BEGAIN: variants seen among roughly 807,000 people sequenced by gnomAD.
The protein encoded by BEGAIN is brain-enriched guanylate kinase-associated protein.
In BEGAIN, 19 loss-of-function variants were observed where a neutral mutation model predicts 35.8. The observed-to-expected ratio is 0.53, with a 90% confidence interval of 0.37 to 0.78. The LOEUF (loss-of-function observed/expected upper bound fraction) is 0.78. Ranked by LOEUF, BEGAIN falls within the 30% of genes least tolerant of loss-of-function variation. BEGAIN has a pLI of 0.00. For missense variants in BEGAIN, 795 were observed against 853.6 expected (o/e 0.93, Z 0.85); for synonymous variants, 462 against 388.6 (o/e 1.19, Z -2.22).
At chr14:100,582,221 T>C (rs2035333550) in intron 1 of BEGAIN, among the ~76,000 whole-genome samples, 1 of 152,222 alleles carries the variant, frequency 6.6e-6, no homozygotes, top group Non-Finnish European at 1.5e-5. Context: ...CTCGGCTCAC[T>C]GCAACCTCTG....
intron 1 of BEGAIN, among the ~76,000 whole-genome samples, chr14:100,584,816 G>A (rs2035398089): frequency 6.6e-6 from 1 of 152,122 alleles, no homozygotes; most frequent in Non-Finnish European, 1.5e-5. Context: ...CTCCACTAAG[G>A]CTAGCGACCA....
At chr14:100,550,468 C>T (rs1169449467) in intron 2 of BEGAIN, 6 of 399,120 alleles carry the variant, frequency 1.5e-5, no homozygotes, top group African/African-American at 4.1e-5. Context: ...CTGCAGTACT[C>T]GGGGCTGCCC....
intron 2 of BEGAIN, among the ~76,000 whole-genome samples, chr14:100,566,184 GC>G (rs2034666711): frequency 6.6e-6 from 1 of 152,204 alleles, no homozygotes. Context: ...CAGCCCAGGA[GC>G]CCAGGCCCTG....
chr14:100,582,693 G>C (rs948393479), intron 1 of BEGAIN, among the ~76,000 whole-genome samples: 1 of 152,094 alleles, frequency 6.6e-6, no homozygotes, highest in Non-Finnish European at 1.5e-5. Flanking sequence ...GGGCAAGGAC[G>C]CCCCTGTAGG....
Position 100,567,872 on chromosome 14 carries a change from GGCCCCCGC to G in BEGAIN, c.71+31_71+38del. ...TCCCCAGCGCCCTCACCCCCGACCC[GGCCCCCGC>G]GAGCCGCGGCACGGGAGACGCTCCA... On this transcript the variant is annotated intron_variant, in intron 2 of 6. Transcript: ENST00000554140. This position sits in a 1 kb window ranked among gnomAD's most constrained non-coding sequence, Gnocchi z 5.1. 2 of 1,413,530 alleles carry G rather than the reference GGCCCCCGC, an allele frequency of 1.4e-6. No individual in the cohort carries two copies. Among genetic ancestry groups the G allele is most frequent in the Non-Finnish European group, 1.9e-6 (2 of 1,067,244 alleles). The allele number at this position is 1,413,530 out of a possible 1,614,324, so 87.6% of individuals were successfully genotyped here.
Position 100,567,791 on chromosome 14 carries a change from G to C in BEGAIN, c.71+120C>G. ...CACGCACCTGGCCCGCAGCCCCGCC[G>C]AGGCCGCCCGCGGGCCCTGGGGGAT... On this transcript the variant is annotated intron_variant, in intron 2 of 6. Coordinates refer to ENST00000554140, the MANE Select transcript of BEGAIN (RefSeq NM_001385089.1). This position sits in a 1 kb window ranked among gnomAD's most constrained non-coding sequence, Gnocchi z 5.1. 1 of 1,067,728 alleles carries C rather than the reference G, an allele frequency of 9.4e-7. No homozygotes were observed. Among genetic ancestry groups the C allele is most frequent in the Non-Finnish European group, 1.2e-6 (1 of 811,938 alleles). 66.1% of individuals were successfully genotyped at this position (1,067,728 alleles called of 1,614,324 possible).
chr14:100,556,951 C>T (rs1250279834), intron 2 of BEGAIN, among the ~76,000 whole-genome samples: 1 of 152,216 alleles, frequency 6.6e-6, no homozygotes, highest in African/African-American at 2.4e-5. Flanking sequence ...TCCATCCAAC[C>T]TGGATTGTAG....
At chr14:100,578,283 T>C (rs2035246164) in intron 1 of BEGAIN, among the ~76,000 whole-genome samples, 1 of 152,222 alleles carries the variant, frequency 6.6e-6, no homozygotes, top group South Asian at 2.1e-4. Flanking sequence ...GGCCTCCCCC[T>C]CTCCTACTCT....
rs2030751737 is a variant in BEGAIN, at chr14:100,537,631, A to G, written c.*338T>C. On this transcript the variant is annotated 3_prime_UTR_variant, in exon 7 of 7. Coordinates refer to ENST00000554140, the MANE Select transcript of BEGAIN (RefSeq NM_001385089.1). ...GTTGAAAACGCCAAGGCAGCCGTCC[A>G]GGGAGCTGGAGGCCAAGTGCGTTAA... 1 of 265,794 alleles carries G rather than the reference A, an allele frequency of 3.8e-6. No homozygotes were observed. The allele number at this position is 265,794 out of a possible 1,614,324, so 16.5% of individuals were successfully genotyped here. A position where few individuals can be genotyped will look rare whatever the true frequency, so the allele number is the denominator to read the frequency against.
At position 100,567,657 on chromosome 14, in the gene BEGAIN, C is replaced by T. The variant is rs1161872762; in HGVS notation, c.71+254G>A. On this transcript the variant is annotated intron_variant, in intron 2 of 6. Coordinates refer to ENST00000554140, the MANE Select transcript of BEGAIN (RefSeq NM_001385089.1). The surrounding 1 kb of genome is among the most constrained non-coding windows in gnomAD (Gnocchi z 5.1). ...AGGCGGCCCCGGGTAGGGGGCAGCC[C>T]GGCCCTCAGTGGCGCTAGCCCCAGC... Among the ~76,000 whole-genome samples, 4 of 151,790 alleles carry T rather than the reference C, an allele frequency of 2.6e-5. No homozygotes were observed. The South Asian group carries it at 6.2e-4, about 24-fold the overall frequency.
chr14:100,559,424 C>G (rs993013838), intron 2 of BEGAIN, among the ~76,000 whole-genome samples: 5 of 152,236 alleles, frequency 3.3e-5, no homozygotes, highest in Non-Finnish European at 7.3e-5. Context: ...TGGGCCGGCC[C>G]CATAGCCAGG....
Position 100,567,268 on chromosome 14 carries a change from C to T in BEGAIN, c.71+643G>A, listed in dbSNP as rs545671514. Among the ~76,000 whole-genome samples, 2 of 152,308 alleles carry T rather than the reference C, an allele frequency of 1.3e-5. No homozygotes were observed. Among genetic ancestry groups the T allele is most frequent in the East Asian group, 1.9e-4 (1 of 5,180 alleles). ...TCAAACTGGCTGATCCCAGGCCTGC[C>T]GCGCAGGTGGTCCCGTGAAGTCTAC... On this transcript the variant is annotated intron_variant, in intron 2 of 6. Coordinates refer to ENST00000554140, the MANE Select transcript of BEGAIN (RefSeq NM_001385089.1). The surrounding 1 kb of genome is among the most constrained non-coding windows in gnomAD (Gnocchi z 5.1).
intron 1 of BEGAIN, among the ~76,000 whole-genome samples, chr14:100,575,624 A>G (rs560108215): frequency 2.6e-5 from 4 of 152,038 alleles, no homozygotes; most frequent in Non-Finnish European, 5.9e-5. Flanking sequence ...ATCATGAGAT[A>G]CGATCCTGGG....
chr14:100,580,452 G>A (rs1298517363), intron 1 of BEGAIN, among the ~76,000 whole-genome samples: 3 of 152,188 alleles, frequency 2.0e-5, no homozygotes, highest in East Asian at 1.9e-4. Flanking sequence ...GCTCCCCGCT[G>A]CCAAGGAACG....
intron 2 of BEGAIN, among the ~76,000 whole-genome samples, chr14:100,565,743 G>A (rs2034633323): frequency 6.6e-6 from 1 of 152,148 alleles, no homozygotes; most frequent in Non-Finnish European, 1.5e-5. Flanking sequence ...GCCTGCTCTG[G>A]GCCAGGTCCC....
At position 100,568,250 on chromosome 14, in the gene BEGAIN, G is replaced by C; in HGVS notation, c.43-311C>G. 1 of 612,658 alleles carries C rather than the reference G, an allele frequency of 1.6e-6. No homozygotes were observed. Among genetic ancestry groups the C allele is most frequent in the Middle Eastern group, 7.2e-4 (1 of 1,398 alleles). The allele number at this position is 612,658 out of a possible 1,614,324, so 38.0% of individuals were successfully genotyped here. A position where few individuals can be genotyped will look rare whatever the true frequency, so the allele number is the denominator to read the frequency against. On this transcript the variant is annotated intron_variant, in intron 1 of 6. Transcript: ENST00000554140. The surrounding 1 kb of genome is among the most constrained non-coding windows in gnomAD (Gnocchi z 7.5). ...GCCAGGGGCGATCTCGGCCTCGCCC[G>C]GAGGAGGGGGACTCGGCCTGTCCCC...
intron 2 of BEGAIN, chr14:100,547,179 CTG>C (rs2032636965): frequency 6.6e-6 from 1 of 152,440 alleles, no homozygotes; most frequent in Non-Finnish European, 1.5e-5. Flanking sequence ...CCCAAAATGG[CTG>C]TGTGGCCCTG....
chr14:100,584,651 C>T (rs1212311931), intron 1 of BEGAIN, among the ~76,000 whole-genome samples: 1 of 152,204 alleles, frequency 6.6e-6, no homozygotes, highest in African/African-American at 2.4e-5. Context: ...TCTCCCACCA[C>T]AGGCTACAAT....
intron 5 of BEGAIN, 38 bp downstream of exon 5, chr14:100,543,820 C>T (rs370570111): frequency 2.2e-5 from 34 of 1,535,650 alleles, no homozygotes; most frequent in South Asian, 2.3e-5. Context: ...CTAGGCCCAC[C>T]GGCAGTCTTC....
Sources: allele counts gnomAD v4.1 joint callset (sites outside exome capture counted in the v4.1 genomes callset), GRCh38; gene constraint gnomAD v4.1.1; non-coding constraint Gnocchi (gnomAD v3.1); transcripts MANE v1.5; gene names NCBI Gene and HGNC (gene_info 2026-07-23, HGNC 2026-07-21).